The following SNRNP40 variants were observed in gnomAD, a reference collection of about 807,000 sequenced individuals.
The protein encoded by SNRNP40 is U5 small nuclear ribonucleoprotein 40 kDa protein.
SNRNP40 carries 21 observed loss-of-function variants against 45.8 expected under a neutral mutation model. The ratio of observed to expected loss-of-function variants is 0.46; its 90% CI spans 0.32 to 0.66. The LOEUF (loss-of-function observed/expected upper bound fraction) is 0.66, where lower values mean the gene tolerates loss of function less well. Among genes scored for constraint, SNRNP40 ranks in the 30% least tolerant of loss-of-function variants. The pLI, the probability that SNRNP40 is intolerant of heterozygous loss-of-function variation, is 0.03. For synonymous variants in SNRNP40, 142 were observed against 163.8 expected (o/e 0.87, Z 1.01); for missense variants, 344 against 439.1 (o/e 0.78, Z 1.94).
At chr1:31,293,891 G>T (rs1646123493) in intron 1 of SNRNP40, among the ~76,000 whole-genome samples, 2 of 152,108 alleles carry the variant, frequency 1.3e-5, no homozygotes, top group Admixed American at 6.6e-5. Flanking sequence ...AACAAATGAT[G>T]GAACTGACTT....
At chr1:31,274,646 A>T (rs1343719534) in intron 5 of SNRNP40, among the ~76,000 whole-genome samples, 2 of 17,546 alleles carry the variant, frequency 1.1e-4, no homozygotes, top group Non-Finnish European at 1.3e-4. Context: ...CCATTACATT[A>T]AAAAAAAAAA....
chr1:31,278,383 CTGTT>C (rs1208349443), intron 5 of SNRNP40, among the ~76,000 whole-genome samples: 2 of 152,166 alleles, frequency 1.3e-5, no homozygotes, highest in African/African-American at 4.8e-5. Flanking sequence ...ATTTGGTACT[CTGTT>C]GGTGGTAGTG....
Position 31,289,355 on chromosome 1 carries a change from C to G in SNRNP40, c.430G>C (p.Val144Leu). Residue 144 changes from valine (V) to leucine (L), a missense_variant, in exon 4 of 10, where the codon GTT becomes CTT. Physicochemically the swap from Val to Leu is conservative, Grantham distance 32. This residue lies in a region of SNRNP40 where 254 missense variants were observed against 380.2 expected (regional missense o/e 0.67). Transcript: ENST00000263694. The part of the protein sequence containing the change: ...AVWDSETGER[V>L]KRLKGHTSFV... ...GAAGTATGTCCCTTTAGCCTTTTAA[C>G]CCTCTCACCTGTTTCACTATCCCAC... 6.2e-7 allele frequency: 1 copy of G among 1,614,100 alleles called. No individual in the cohort carries two copies. The highest frequency in any genetic ancestry group is 8.5e-7 in the Non-Finnish European group (1 of 1,179,926).
intron 5 of SNRNP40, among the ~76,000 whole-genome samples, chr1:31,278,816 G>A (rs773154591): frequency 1.9e-4 from 29 of 152,108 alleles, no homozygotes; most frequent in Non-Finnish European, 3.8e-4. Context: ...TGGAGTTGTG[G>A]AAGTAGACGA....
rs561317066 is a variant in SNRNP40, at chr1:31,274,238, T to C, written c.655-2739A>G. Among the ~76,000 whole-genome samples the C allele has an allele frequency of 4.9e-4, 75 of 152,176 alleles. No homozygotes were observed. In the South Asian group the frequency reaches 6.0e-3, roughly 12 times the overall value. ...ATTCTGGAAAGATCCTTCTGACCCA[T>C]TGATTAACTGATTGATTGAGACCGA... On this transcript the variant is annotated intron_variant, in intron 5 of 9. Coordinates refer to ENST00000263694, the MANE Select transcript of SNRNP40 (RefSeq NM_004814.3).
chr1:31,288,332 T>C (rs1237733265), intron 4 of SNRNP40, among the ~76,000 whole-genome samples: 3 of 152,190 alleles, frequency 2.0e-5, no homozygotes, highest in Non-Finnish European at 2.9e-5. Context: ...GTTGGTACTA[T>C]GATGTACTGT....
chr1:31,269,271 C>T, intron 6 of SNRNP40, 31 bp from the exon 7 acceptor site: 1 of 1,611,742 alleles, frequency 6.2e-7, no homozygotes, highest in Middle Eastern at 1.7e-4. Context: ...AACAAACCAA[C>T]CAAAACAACT....
chr1:31,288,933 G>A (rs1260626952), intron 4 of SNRNP40, among the ~76,000 whole-genome samples: 5 of 152,164 alleles, frequency 3.3e-5, no homozygotes, highest in Non-Finnish European at 1.5e-5. Flanking sequence ...GGGTTTCACC[G>A]TGTTAGCCAG....
At chr1:31,266,064 C>T (rs1261800676) in intron 8 of SNRNP40, among the ~76,000 whole-genome samples, 1 of 152,070 alleles carries the variant, frequency 6.6e-6, no homozygotes, top group Admixed American at 6.5e-5. Context: ...TTCACCTGGA[C>T]CCTTTCTTTT....
chr1:31,292,361 C>G (rs1445756831), intron 2 of SNRNP40, among the ~76,000 whole-genome samples: 1 of 152,136 alleles, frequency 6.6e-6, no homozygotes, highest in Non-Finnish European at 1.5e-5. Flanking sequence ...GACTCCGTCT[C>G]TAAAAAGCCA....
In SNRNP40 at chr1:31,296,752, G is replaced by A. The variant is rs1225507524; in HGVS notation, c.-1C>T. 2 of 1,596,292 alleles carry A rather than the reference G, an allele frequency of 1.3e-6. No individual in the cohort carries two copies. The highest frequency in any genetic ancestry group is 1.7e-6 in the Non-Finnish European group (2 of 1,171,376). ...CCTTACGCTTCTGCTGTTCTATCAT[G>A]GCGGCAACCGGTCTCTTCAGCGCCG... On this transcript the variant is annotated 5_prime_UTR_variant, in exon 1 of 10. Transcript: ENST00000263694.
At chr1:31,269,630 A>G in intron 6 of SNRNP40, 5 of 350,272 alleles carry the variant, frequency 1.4e-5, no homozygotes, top group African/African-American at 2.1e-5. Context: ...ATGAACTTAT[A>G]AAAGCCAAAC....
Position 31,271,425 on chromosome 1 carries a change from T to TA in SNRNP40, c.728dup (p.Leu243PhefsTer4). 6.2e-7 allele frequency: 1 copy of TA among 1,613,992 alleles called. No homozygotes were observed. Reference sequence around the variant, plus strand: ...ACAAAAGATAAGAGCCTTCAGAACTTAAACTCAGGCCAGTCACTGAATCTG... The same window carrying TA: ...ACAAAAGATAAGAGCCTTCAGAACTTAAAACTCAGGCCAGTCACTGAATCTG... On this transcript the variant is annotated frameshift_variant, in exon 6 of 10. Coordinates refer to ENST00000263694, the MANE Select transcript of SNRNP40 (RefSeq NM_004814.3). LOFTEE classifies it high-confidence loss of function.
intron 5 of SNRNP40, among the ~76,000 whole-genome samples, chr1:31,275,743 A>G (rs1308517689): frequency 6.6e-6 from 1 of 152,160 alleles, no homozygotes; most frequent in African/African-American, 2.4e-5. Context: ...AAATTCTAAC[A>G]CATATACAAC....
chr1:31,292,013 G>A lies in SNRNP40; in HGVS notation c.272-7C>T. On this transcript the variant is annotated splice_region_variant and splice_polypyrimidine_tract_variant and intron_variant, in intron 2 of 9. Coordinates refer to ENST00000263694, the MANE Select transcript of SNRNP40 (RefSeq NM_004814.3). ...CCATAGACATTCCACAGTACTGTTA[G>A]GGAGATGGGTTCTGTGAGCATTACT... 1 of 1,572,658 alleles carries A rather than the reference G, an allele frequency of 6.4e-7. No homozygotes were observed. The highest frequency in any genetic ancestry group is 1.7e-5 in the Admixed American group (1 of 59,962).
At chr1:31,268,880 T>C (rs1645917923) in intron 7 of SNRNP40, among the ~76,000 whole-genome samples, 1 of 152,140 alleles carries the variant, frequency 6.6e-6, no homozygotes, top group Non-Finnish European at 1.5e-5. Context: ...AATTCCCAAG[T>C]AATTAAAAAG....
At chr1:31,274,595 C>A (rs756281314) in intron 5 of SNRNP40, among the ~76,000 whole-genome samples, 1 of 132,506 alleles carries the variant, frequency 7.5e-6, no homozygotes, top group Non-Finnish European at 1.6e-5. Flanking sequence ...GCAGGGATTA[C>A]AAACATGAGC....
At chr1:31,267,208 G>A (rs906678231) in intron 8 of SNRNP40, among the ~76,000 whole-genome samples, 4 of 152,178 alleles carry the variant, frequency 2.6e-5, no homozygotes, top group African/African-American at 4.8e-5. Flanking sequence ...TTGTGGTGAT[G>A]GTGGGGGAGG....
chr1:31,280,688 T>C (rs1646010715), intron 5 of SNRNP40, among the ~76,000 whole-genome samples: 1 of 152,008 alleles, frequency 6.6e-6, no homozygotes, highest in African/African-American at 2.4e-5. Flanking sequence ...CTGGCACTTG[T>C]TATGTCCAGG....
Sources: allele counts gnomAD v4.1 joint callset (sites outside exome capture counted in the v4.1 genomes callset), GRCh38; gene constraint gnomAD v4.1.1; regional missense constraint gnomAD v4.1.1; transcripts MANE v1.5; gene names NCBI Gene and HGNC (gene_info 2026-07-23, HGNC 2026-07-21).